Variants in SNAP47 observed in about 807,000 individuals in gnomAD.
SNAP47 encodes synaptosomal-associated protein 47.
A neutral mutation model predicts 31.4 loss-of-function variants in SNAP47; 20 were observed. The ratio of observed to expected loss-of-function variants is 0.64; its 90% CI spans 0.45 to 0.93. The LOEUF (loss-of-function observed/expected upper bound fraction) is 0.93, where lower values mean the gene tolerates loss of function less well. Among genes scored for constraint, SNAP47 ranks in the 40% least tolerant of loss-of-function variants. The pLI is 0.00. For missense variants in SNAP47, 492 were observed against 528.5 expected (o/e 0.93, Z 0.68); for synonymous variants, 194 against 213.4 (o/e 0.91, Z 0.79).
chr1:227,732,284 G>T (rs145226245), upstream of SNAP47: 2 of 1,338,822 alleles, frequency 1.5e-6, no homozygotes, highest in African/African-American at 1.5e-5. Flanking sequence ...CACAAGCCTC[G>T]ACAGGGGTGG....
chr1:227,735,152 T>C (rs777101659), upstream of SNAP47: 3 of 1,581,660 alleles, frequency 1.9e-6, no homozygotes, highest in South Asian at 2.3e-5. Flanking sequence ...AAAGTCGGCG[T>C]AGGAGAAGGC....
At chr1:227,778,624 T>G in intron 4 of SNAP47, among the ~76,000 whole-genome samples, 1 of 152,150 alleles carries the variant, frequency 6.6e-6, no homozygotes. Context: ...AGGATCACAC[T>G]GACAGCAGGG....
chr1:227,763,375 G>C lies in SNAP47; in HGVS notation c.989-3584G>C, dbSNP rs746207281. On this transcript the variant is annotated intron_variant, in intron 3 of 4. Transcript: ENST00000617596. This position sits in a 1 kb window ranked among gnomAD's most constrained non-coding sequence, Gnocchi z 4.2. ...TGATGACAGCCTTGCCTGTACCTCT[G>C]CTTCCCCGGGCCGTGTGTCTGTCTG... is the stretch of plus-strand genomic sequence containing the variant. 6.6e-6 allele frequency among the ~76,000 whole-genome samples: 1 copy of C among 152,214 alleles called. No homozygotes were observed. Among genetic ancestry groups the C allele is most frequent in the Middle Eastern group, 3.2e-3 (1 of 316 alleles).
At position 227,767,044 on chromosome 1, in the gene SNAP47, G is replaced by C. The variant is rs752861248; in HGVS notation, c.1074G>C (p.Leu358=). ...EGTALHLQTS[L]PALSEADTQE... ...CAGCACTGCACCTGCAGACAAGCCT[G>C]CCAGCCCTTTCTGAGGCAGATACCC... The change falls in exon 4 of 5, where the codon CTG becomes CTC. Residue 358 remains leucine (L), a synonymous_variant. Transcript: ENST00000617596. 7 of 1,614,082 alleles carry C rather than the reference G, an allele frequency of 4.3e-6. No individual in the cohort carries two copies. Among genetic ancestry groups the C allele is most frequent in the Non-Finnish European group, 5.1e-6 (6 of 1,180,022 alleles).
In SNAP47 at chr1:227,762,841, G is replaced by A. The variant is rs1250339246; in HGVS notation, c.988+3356G>A. Among the ~76,000 whole-genome samples the A allele has an allele frequency of 1.3e-5, 2 of 152,218 alleles. No homozygotes were observed. The highest frequency in any genetic ancestry group is 4.8e-5 in the African/African-American group (2 of 41,456). ...GGCCAGGGCTTGCACAGCAGCCTCT[G>A]TCTCAGATTTTCTTGCAGTCGGCCT... On this transcript the variant is annotated intron_variant, in intron 3 of 4. Transcript: ENST00000617596. This position sits in a 1 kb window ranked among gnomAD's most constrained non-coding sequence, Gnocchi z 4.2.
At chr1:227,767,798 C>A (rs1180146726) in intron 4 of SNAP47, among the ~76,000 whole-genome samples, 1 of 152,174 alleles carries the variant, frequency 6.6e-6, no homozygotes, top group Non-Finnish European at 1.5e-5. Flanking sequence ...TACATGCCTG[C>A]TGTGTGTTGC....
At chr1:227,752,210 A>G (rs1010361064) in intron 2 of SNAP47, among the ~76,000 whole-genome samples, 1 of 152,178 alleles carries the variant, frequency 6.6e-6, no homozygotes, top group African/African-American at 2.4e-5. Flanking sequence ...GCACGAACAC[A>G]TCTCTCACCT....
intron 1 of SNAP47, among the ~76,000 whole-genome samples, chr1:227,729,246 G>A (rs965252676): frequency 5.3e-5 from 8 of 152,156 alleles, no homozygotes; most frequent in South Asian, 2.1e-4. Context: ...GCAGGAGTGA[G>A]AGGCCCAGGT....
rs1572031526 is a variant in SNAP47 at position 227,763,112 on chromosome 1, A to G, written c.988+3627A>G. 6.6e-6 allele frequency among the ~76,000 whole-genome samples: 1 copy of G among 151,180 alleles called. No homozygotes were observed. The highest frequency in any genetic ancestry group is 1.5e-5 in the Non-Finnish European group (1 of 67,822). ...GCTGGGACTATAGGCACATATCACC[A>G]TGCCCAGCTAATTTTTTTTTTTTTT... On this transcript the variant is annotated intron_variant, in intron 3 of 4. Coordinates refer to ENST00000617596, the MANE Select transcript of SNAP47 (RefSeq NM_053052.4). This position sits in a 1 kb window ranked among gnomAD's most constrained non-coding sequence, Gnocchi z 4.2.
At chr1:227,760,528 G>C (rs144575429) in intron 3 of SNAP47, among the ~76,000 whole-genome samples, 2 of 152,320 alleles carry the variant, frequency 1.3e-5, no homozygotes, top group Non-Finnish European at 2.9e-5. Flanking sequence ...CTGAGGGGCA[G>C]ACACCCTGGG....
Position 227,762,372 on chromosome 1 carries a change from G to A in SNAP47, c.988+2887G>A, listed in dbSNP as rs145405958. ...GGTGCTATGTTAGCAAGAAGGCGGC[G>A]CCCCGTTTGATGGGAGCTCAGTAGT... is the stretch of plus-strand genomic sequence containing the variant. On this transcript the variant is annotated intron_variant, in intron 3 of 4. Coordinates refer to ENST00000617596, the MANE Select transcript of SNAP47 (RefSeq NM_053052.4). This position sits in a 1 kb window ranked among gnomAD's most constrained non-coding sequence, Gnocchi z 4.2. Among the ~76,000 whole-genome samples the A allele has an allele frequency of 3.6e-4, 55 of 152,354 alleles. No homozygotes were observed. The East Asian group carries it at 9.3e-3, about 26-fold the overall frequency.
intron 4 of SNAP47, among the ~76,000 whole-genome samples, chr1:227,771,418 A>G (rs1663795237): frequency 6.6e-6 from 1 of 152,182 alleles, no homozygotes; most frequent in Non-Finnish European, 1.5e-5. Context: ...GAATGGGGAC[A>G]GGGTGCCCTG....
At chr1:227,769,119 G>A (rs1019641371) in intron 4 of SNAP47, among the ~76,000 whole-genome samples, 25 of 152,218 alleles carry the variant, frequency 1.6e-4, no homozygotes, top group Admixed American at 6.5e-5. Context: ...AGCTGAGGGT[G>A]AGTGGGGCTC....
At chr1:227,742,877 A>G (rs903370391) in intron 1 of SNAP47, among the ~76,000 whole-genome samples, 24 of 152,222 alleles carry the variant, frequency 1.6e-4, no homozygotes, top group African/African-American at 5.1e-4. Context: ...TTGTGTCCCC[A>G]TAGTCCAGAG....
At chr1:227,732,158 C>G, upstream of SNAP47, 1 of 590,590 alleles carries the variant, frequency 1.7e-6, no homozygotes, top group Non-Finnish European at 3.0e-6. Flanking sequence ...GCACCATCTC[C>G]GAGCTCCCAG....
chr1:227,732,312 G>A (rs74365220), upstream of SNAP47: 1,173 of 1,513,930 alleles, frequency 7.7e-4, 10 homozygotes, highest in African/African-American at 0.014. Context: ...GTCACAGGGA[G>A]GGCGGTCTTT....
upstream of SNAP47, chr1:227,735,215 A>G (rs760582646): frequency 1.9e-6 from 3 of 1,589,542 alleles, no homozygotes; most frequent in Non-Finnish European, 2.6e-6. Context: ...GACGCCGGGG[A>G]CATCGACCCC....
chr1:227,769,974 A>G (rs1446684349), intron 4 of SNAP47, among the ~76,000 whole-genome samples: 1 of 152,120 alleles, frequency 6.6e-6, no homozygotes, highest in Non-Finnish European at 1.5e-5. Context: ...CTCAGTGTCG[A>G]CAGACACTGG....
intron 3 of SNAP47, chr1:227,759,776 C>T: frequency 4.7e-6 from 2 of 425,396 alleles, no homozygotes; most frequent in Non-Finnish European, 8.4e-6. Flanking sequence ...CACCAAAGCT[C>T]ATGTGGAAAT....
Sources: gnomAD v4.1 joint callset for allele counts (sites outside exome capture counted in the v4.1 genomes callset) on GRCh38, gnomAD v4.1.1 for gene constraint, Gnocchi (gnomAD v3.1) non-coding constraint, MANE v1.5 for transcripts, NCBI Gene and HGNC (gene_info 2026-07-23, HGNC 2026-07-21) for gene names.